Variants in FAM135B observed in about 807,000 individuals in gnomAD.
FAM135B encodes family with sequence similarity 135 member B.
A neutral mutation model predicts 127.7 loss-of-function variants in FAM135B; 43 were observed. The ratio of observed to expected loss-of-function variants is 0.34; its 90% CI spans 0.26 to 0.43. The LOEUF (loss-of-function observed/expected upper bound fraction) is 0.43, where lower values mean the gene tolerates loss of function less well. Among genes scored for constraint, FAM135B ranks in the 20% least tolerant of loss-of-function variants. The pLI is 1.00. For synonymous variants in FAM135B, 670 were observed against 665.1 expected (o/e 1.01, Z -0.11); for missense variants, 1,558 against 1,725.6 (o/e 0.90, Z 1.72).
chr8:138,291,771 A>G (rs1486169184), intron 3 of FAM135B, among the ~76,000 whole-genome samples: 1 of 152,208 alleles, frequency 6.6e-6, no homozygotes, highest in Non-Finnish European at 1.5e-5. Context: ...CAAATTAGGT[A>G]TAGAAGAAAG....
chr8:138,145,776 G>A (rs935945499), intron 15 of FAM135B, among the ~76,000 whole-genome samples, 183 bp downstream of exon 15: 7 of 152,158 alleles, frequency 4.6e-5, no homozygotes, highest in South Asian at 2.1e-4. Flanking sequence ...ATTTCTTACC[G>A]TTTCCTCTCC....
intron 2 of FAM135B, among the ~76,000 whole-genome samples, chr8:138,344,577 C>CTTTAT (rs1488668233): frequency 2.4e-5 from 2 of 83,934 alleles, no homozygotes; most frequent in Admixed American, 1.2e-4. Context: ...TTCTTTCTTT[C>CTTTAT]TTTTTTTTTT....
chr8:138,335,161 T>C (rs1828474139), intron 2 of FAM135B, among the ~76,000 whole-genome samples: 2 of 152,172 alleles, frequency 1.3e-5, no homozygotes, highest in African/African-American at 2.4e-5. Flanking sequence ...TGCCCAGCTC[T>C]AGACATGACC....
At chr8:138,198,715 A>C (rs552386375) in intron 7 of FAM135B, among the ~76,000 whole-genome samples, 2 of 152,350 alleles carry the variant, frequency 1.3e-5, no homozygotes, top group East Asian at 3.9e-4. Flanking sequence ...AGGAAAAGAC[A>C]CCTAAGTCTA....
intron 7 of FAM135B, among the ~76,000 whole-genome samples, chr8:138,204,579 G>T (rs540576083): frequency 6.6e-6 from 1 of 152,288 alleles, no homozygotes; most frequent in South Asian, 2.1e-4. Flanking sequence ...TTGATGTATA[G>T]AGGCCTGGCC....
rs117559095 is a variant in FAM135B at position 138,218,717 on chromosome 8, A to T, written c.670-21048T>A. On this transcript the variant is annotated intron_variant, in intron 7 of 19. Coordinates refer to ENST00000395297, the MANE Select transcript of FAM135B (RefSeq NM_015912.4). ...AGGTTTGCTACAGGCCACTCTAGAGACCCTGTTCAATGCCCTGCTCCTCCC... is the reference window on the plus strand; with the variant it reads ...AGGTTTGCTACAGGCCACTCTAGAGTCCCTGTTCAATGCCCTGCTCCTCCC... 3.2e-3 allele frequency among the ~76,000 whole-genome samples: 482 copies of T among 151,720 alleles called. 2 individuals carry two copies. The highest frequency in any genetic ancestry group is 0.02 in the Middle Eastern group (6 of 294).
intron 2 of FAM135B, among the ~76,000 whole-genome samples, chr8:138,316,551 C>T (rs1354303509): frequency 6.6e-6 from 1 of 152,180 alleles, no homozygotes; most frequent in East Asian, 1.9e-4. Flanking sequence ...ATTCACTCAT[C>T]AAAATGACTA....
intron 2 of FAM135B, among the ~76,000 whole-genome samples, chr8:138,355,969 G>A (rs1830065697): frequency 6.6e-6 from 1 of 152,162 alleles, no homozygotes; most frequent in African/African-American, 2.4e-5. Context: ...GTCCTCATGA[G>A]TGGATGAGTG....
At chr8:138,491,025 C>T (rs1815171769) in intron 1 of FAM135B, among the ~76,000 whole-genome samples, 2 of 151,522 alleles carry the variant, frequency 1.3e-5, no homozygotes, top group South Asian at 2.1e-4. Flanking sequence ...CCTGTAATCC[C>T]GGATACTTGG....
chr8:138,440,998 C>G lies in FAM135B; in HGVS notation c.-20+55673G>C, dbSNP rs972388387. On this transcript the variant is annotated intron_variant, in intron 1 of 19. Transcript: ENST00000395297. ...CACAGACCTTAAAGAAAGAGAGGAA[C>G]AGTTAGCGCCTGCACCAAGACCCCC... 2.0e-5 allele frequency: 3 copies of G among 152,168 alleles called. No individual in the cohort carries two copies. The East Asian group carries it at 5.8e-4, about 29-fold the overall frequency. 9.4% of individuals were successfully genotyped at this position (152,168 alleles called of 1,614,324 possible).
chr8:138,277,999 T>C (rs1177456296), intron 3 of FAM135B, among the ~76,000 whole-genome samples: 3 of 152,082 alleles, frequency 2.0e-5, no homozygotes, highest in Non-Finnish European at 2.9e-5. Flanking sequence ...CTGTTGAATC[T>C]TGCCCTTTGA....
At chr8:138,455,455 AAACAAT>A (rs1435297196) in intron 1 of FAM135B, among the ~76,000 whole-genome samples, 1 of 152,218 alleles carries the variant, frequency 6.6e-6, no homozygotes, top group Non-Finnish European at 1.5e-5. Context: ...AAATAATAAT[AAACAAT>A]AACAATATCA....
At chr8:138,202,177 T>C (rs892073302) in intron 7 of FAM135B, among the ~76,000 whole-genome samples, 2 of 149,180 alleles carry the variant, frequency 1.3e-5, no homozygotes, top group Non-Finnish European at 3.0e-5. Flanking sequence ...GTAAGTCCAC[T>C]GCAAATGGGA....
chr8:138,241,213 T>C lies in FAM135B; in HGVS notation c.669+1729A>G, dbSNP rs971530617. On this transcript the variant is annotated intron_variant, in intron 7 of 19. Coordinates refer to ENST00000395297, the MANE Select transcript of FAM135B (RefSeq NM_015912.4). This position sits in a 1 kb window ranked among gnomAD's most constrained non-coding sequence, Gnocchi z 4.8. ...ACAGTCCAATGACATGCTACAGGGC[T>C]CACTGCTTTCCACTCGCTTTCTTAC... Among the ~76,000 whole-genome samples, 1 of 152,208 alleles carries C rather than the reference T, an allele frequency of 6.6e-6. No individual in the cohort carries two copies. The highest frequency in any genetic ancestry group is 6.5e-5 in the Admixed American group (1 of 15,288).
rs150660069 is a variant in FAM135B at position 138,355,973 on chromosome 8, A to G, written c.77+11934T>C. ...ATTAGGGCTTTGTCCTCATGAGTGG[A>G]TGAGTGACTTATAAAAGGCCTGGAG... On this transcript the variant is annotated intron_variant, in intron 2 of 19. Transcript: ENST00000395297. Among the ~76,000 whole-genome samples the G allele has an allele frequency of 7.9e-5, 12 of 152,242 alleles. No homozygotes were observed. In the East Asian group the frequency reaches 2.3e-3, roughly 29 times the overall value.
At chr8:138,370,225 G>A (rs544862365) in intron 1 of FAM135B, among the ~76,000 whole-genome samples, 7 of 152,238 alleles carry the variant, frequency 4.6e-5, no homozygotes, top group East Asian at 3.9e-4. Flanking sequence ...AATATTTAAC[G>A]CATGGAGAAT....
chr8:138,440,650 C>T (rs552402139), intron 1 of FAM135B: 4 of 151,818 alleles, frequency 2.6e-5, no homozygotes, highest in South Asian at 4.1e-4. Flanking sequence ...GACACCTTAC[C>T]CAATACTTTT....
At chr8:138,142,761 T>C in intron 16 of FAM135B, 1 of 374,810 alleles carries the variant, frequency 2.7e-6, no homozygotes, top group Non-Finnish European at 4.8e-6. Flanking sequence ...CCTAGGAATT[T>C]TTGTTTTAAG....
intron 12 of FAM135B, among the ~76,000 whole-genome samples, chr8:138,164,256 A>C (rs933941105): frequency 2.0e-5 from 3 of 152,136 alleles, no homozygotes; most frequent in Non-Finnish European, 4.4e-5. Context: ...ATTTCTGTAA[A>C]AGTAGTCTGA....
Sources: allele counts gnomAD v4.1 joint callset (sites outside exome capture counted in the v4.1 genomes callset), GRCh38; gene constraint gnomAD v4.1.1; non-coding constraint Gnocchi (gnomAD v3.1); transcripts MANE v1.5; gene names NCBI Gene and HGNC (gene_info 2026-07-23, HGNC 2026-07-21).